Variants in GSE1 observed in about 807,000 individuals in gnomAD.
GSE1 encodes Gse1 coiled-coil protein.
GSE1 carries 32 observed loss-of-function variants against 112.6 expected under a neutral mutation model. The observed-to-expected ratio is 0.28, with a 90% CI of 0.21 to 0.38. The LOEUF is 0.38. Ranked by LOEUF, GSE1 falls within the 10% of genes least tolerant of loss-of-function variation. The probability of loss-of-function intolerance (pLI) is 1.00; values close to 1 mark genes in which losing one functional copy is unlikely to be tolerated. For missense variants in GSE1, 2,348 were observed against 1,699.2 expected (o/e 1.38, Z -6.71); for synonymous variants, 1,115 against 735.6 (o/e 1.52, Z -8.35).
chr16:85,676,117 T>C lies in GSE1; in HGVS notation c.*3578T>C, dbSNP rs746503660. ...TTGAATTAATTGTATTGTAATATTATTTGTTGAATGTAGTAATTAGGTATT... is the reference window on the plus strand; with the variant it reads ...TTGAATTAATTGTATTGTAATATTACTTGTTGAATGTAGTAATTAGGTATT... On this transcript the variant is annotated 3_prime_UTR_variant, in exon 16 of 16. Coordinates refer to ENST00000253458, the MANE Select transcript of GSE1 (RefSeq NM_014615.5). 1 of 152,688 alleles carries C rather than the reference T, an allele frequency of 6.5e-6. No homozygotes were observed. The highest frequency in any genetic ancestry group is 1.5e-5 in the Non-Finnish European group (1 of 68,052). 9.5% of individuals were successfully genotyped at this position (152,688 alleles called of 1,614,324 possible). A position where few individuals can be genotyped will look rare whatever the true frequency, so the allele number is the denominator to read the frequency against.
chr16:85,515,362 G>A (rs1019962235), intron 2 of GSE1, among the ~76,000 whole-genome samples: 1 of 152,226 alleles, frequency 6.6e-6, no homozygotes, highest in African/African-American at 2.4e-5. Context: ...TGGGCCGTGG[G>A]GCTTCCGTGC....
chr16:85,511,445 T>C (rs1040048110), intron 2 of GSE1, among the ~76,000 whole-genome samples: 2 of 151,832 alleles, frequency 1.3e-5, no homozygotes, highest in East Asian at 1.9e-4. Context: ...GGAGAATCGC[T>C]TGAACCCAGG....
intron 2 of GSE1, among the ~76,000 whole-genome samples, chr16:85,539,458 G>T (rs1452134269): frequency 6.6e-6 from 1 of 152,202 alleles, no homozygotes; most frequent in Non-Finnish European, 1.5e-5. Context: ...CACCAAAATT[G>T]CCCCCACAGA....
At chr16:85,187,029 A>G (rs1190850096) in intron 1 of GSE1, among the ~76,000 whole-genome samples, 1 of 152,218 alleles carries the variant, frequency 6.6e-6, no homozygotes, top group Non-Finnish European at 1.5e-5. Flanking sequence ...GTGCTGGGCC[A>G]GCACTGGGGT....
intron 2 of GSE1, among the ~76,000 whole-genome samples, chr16:85,410,501 CGGA>C (rs2048494737): frequency 2.1e-4 from 1 of 4,764 alleles, no homozygotes; most frequent in Non-Finnish European, 6.9e-4. Context: ...CAGGGCCCCC[CGGA>C]TAATCCTCAC....
chr16:85,220,223 T>G (rs1311245579), intron 1 of GSE1, among the ~76,000 whole-genome samples: 1 of 152,258 alleles, frequency 6.6e-6, no homozygotes. Flanking sequence ...CTCTTCCTGG[T>G]CCGCTTTCCA....
intron 2 of GSE1, among the ~76,000 whole-genome samples, chr16:85,645,225 G>A (rs1389959538): frequency 6.6e-6 from 1 of 152,044 alleles, no homozygotes; most frequent in Non-Finnish European, 1.5e-5. Context: ...CGCCTCAGGG[G>A]CAGCAGCCCT....
chr16:85,506,202 G>A (rs1004578931), intron 2 of GSE1, among the ~76,000 whole-genome samples: 1 of 152,202 alleles, frequency 6.6e-6, no homozygotes, highest in South Asian at 2.1e-4. Flanking sequence ...CCTGTGTGTG[G>A]TGCGTCCCTG....
chr16:85,656,582 C>T lies in GSE1; in HGVS notation c.1229C>T (p.Pro410Leu). 1.9e-6 allele frequency: 3 copies of T among 1,547,420 alleles called. No homozygotes were observed. Among genetic ancestry groups the T allele is most frequent in the Non-Finnish European group, 2.6e-6 (3 of 1,145,786 alleles). ...AAKALEPSFL[P>L]VAELHGLRGH... ...AAGGCCCTGGAGCCCAGCTTCCTGC[C>T]CGTGGCCGAGCTGCATGGGCTGCGT... The change falls in exon 7 of 16, where the codon CCC (proline) becomes CTC (leucine). Residue 410 changes from proline (P) to leucine (L), a missense_variant. Coordinates refer to ENST00000253458, the MANE Select transcript of GSE1 (RefSeq NM_014615.5).
At chr16:85,657,662 G>A (rs1211972151) in intron 8 of GSE1, 58 bp downstream of exon 8, 8 of 1,227,328 alleles carry the variant, frequency 6.5e-6, no homozygotes, top group Admixed American at 3.1e-5. Flanking sequence ...TTTGTTCAGC[G>A]TGTATTGAGC....
chr16:85,496,131 C>A (rs948795145), intron 2 of GSE1, among the ~76,000 whole-genome samples: 4 of 152,178 alleles, frequency 2.6e-5, no homozygotes, highest in Non-Finnish European at 5.9e-5. Flanking sequence ...GGCTTCATTT[C>A]CCCAGGGCCC....
At chr16:85,661,946 C>G (rs1034690285) in intron 9 of GSE1, among the ~76,000 whole-genome samples, 181 bp downstream of exon 9, 1 of 152,208 alleles carries the variant, frequency 6.6e-6, no homozygotes, top group Non-Finnish European at 1.5e-5. Context: ...GTAGGGGAGG[C>G]AGACCCTAGT....
chr16:85,290,710 G>A (rs372578092), intron 1 of GSE1, among the ~76,000 whole-genome samples: 4 of 152,108 alleles, frequency 2.6e-5, no homozygotes, highest in African/African-American at 2.4e-5. Context: ...TGTTGTCACC[G>A]AGACACACAA....
At chr16:85,572,361 TCACACACCA>T (rs1440896519) in intron 1 of GSE1, among the ~76,000 whole-genome samples, 2 of 84,016 alleles carry the variant, frequency 2.4e-5, no homozygotes, top group African/African-American at 4.8e-5. Context: ...CAACACACAA[TCACACACCA>T]CACACACCAC....
intron 1 of GSE1, among the ~76,000 whole-genome samples, chr16:85,236,913 C>T (rs1904725678): frequency 6.6e-6 from 1 of 152,364 alleles, no homozygotes. Context: ...CCTGCCCTTG[C>T]AGAACTCCCC....
chr16:85,350,794 C>T (rs11642889), intron 1 of GSE1, among the ~76,000 whole-genome samples: 53,685 of 151,944 alleles, frequency 0.35, 10,601 homozygotes, highest in Non-Finnish European at 0.47. Context: ...ATTTTTTCTT[C>T]GAGACGGACT....
chr16:85,388,010 GGA>G (rs2151636745), intron 2 of GSE1, among the ~76,000 whole-genome samples: 1 of 150,794 alleles, frequency 6.6e-6, no homozygotes, highest in African/African-American at 2.4e-5. Context: ...ATGGATGGAT[GGA>G]TGGATGGATG....
At chr16:85,651,462 G>T (rs183531466) in intron 3 of GSE1, among the ~76,000 whole-genome samples, 5 of 152,292 alleles carry the variant, frequency 3.3e-5, no homozygotes, top group Non-Finnish European at 7.4e-5. Flanking sequence ...GTGCCATCTG[G>T]CCTGCGAGCA....
intron 1 of GSE1, among the ~76,000 whole-genome samples, chr16:85,264,966 T>TGGG (rs1908086962): frequency 6.6e-6 from 1 of 152,100 alleles, no homozygotes; most frequent in Admixed American, 6.5e-5. Flanking sequence ...CTCTGAGAAA[T>TGGG]GGGACAGTCA....
Sources: allele counts gnomAD v4.1 joint callset (sites outside exome capture counted in the v4.1 genomes callset), GRCh38; gene constraint gnomAD v4.1.1; transcripts MANE v1.5; gene names NCBI Gene and HGNC (gene_info 2026-07-23, HGNC 2026-07-21).